Variants in CHD9 observed in about 807,000 individuals in gnomAD.
CHD9 encodes the protein chromodomain helicase DNA binding protein 9.
CHD9 carries 77 observed loss-of-function variants against 316.1 expected under a neutral mutation model. The ratio of observed to expected loss-of-function variants is 0.24; its 90% confidence interval spans 0.20 to 0.29. CHD9 has a LOEUF of 0.29. Among genes scored for constraint, CHD9 ranks in the 10% least tolerant of loss-of-function variants. CHD9 has a pLI of 1.00. For synonymous variants in CHD9, 1,129 were observed against 1,158.3 expected (o/e 0.97, Z 0.51); for missense variants, 2,763 against 3,438.1 (o/e 0.80, Z 4.91).
intron 1 of CHD9, among the ~76,000 whole-genome samples, chr16:53,063,831 T>C (rs2033218680): frequency 1.2e-5 from 1 of 84,626 alleles, no homozygotes; most frequent in African/African-American, 4.7e-5. Context: ...ATGCCTGGCC[T>C]TTTTTTTTTT....
chr16:53,230,065 T>C (rs2048032647), intron 8 of CHD9, among the ~76,000 whole-genome samples: 1 of 152,196 alleles, frequency 6.6e-6, no homozygotes, highest in Non-Finnish European at 1.5e-5. Flanking sequence ...TTTTCATTTC[T>C]TGGACATTTT....
intron 1 of CHD9, among the ~76,000 whole-genome samples, chr16:53,081,854 A>C (rs963555325): frequency 6.6e-6 from 1 of 152,034 alleles, no homozygotes; most frequent in Non-Finnish European, 1.5e-5. Flanking sequence ...TGAATGAATG[A>C]ATGAATGAAT....
At chr16:53,168,048 CTTTA>C (rs557517155) in intron 2 of CHD9, among the ~76,000 whole-genome samples, 65 of 151,420 alleles carry the variant, frequency 4.3e-4, no homozygotes, top group African/African-American at 1.3e-3. Flanking sequence ...ATAACATTTG[CTTTA>C]TTTATTTATT....
intron 10 of CHD9, among the ~76,000 whole-genome samples, chr16:53,232,460 G>T (rs2152927937): frequency 6.6e-6 from 1 of 152,276 alleles, no homozygotes; most frequent in African/African-American, 2.4e-5. Flanking sequence ...TCAGCCAATA[G>T]AATTAATCCC....
chr16:53,298,320 C>CA (rs767208426), intron 30 of CHD9: 297 of 81,620 alleles, frequency 3.6e-3, no homozygotes, highest in African/African-American at 6.3e-3. Flanking sequence ...GGCAGCACTA[C>CA]AAAAAAAAAA....
At chr16:53,267,267 T>G in intron 20 of CHD9, 27 bp from the exon 21 acceptor site, 1 of 1,482,084 alleles carries the variant, frequency 6.7e-7, no homozygotes, top group Non-Finnish European at 9.1e-7. Flanking sequence ...AAAAGTACCT[T>G]CAGGTAATAG....
chr16:53,060,515 T>TG (rs1193162975), intron 1 of CHD9, among the ~76,000 whole-genome samples: 1 of 152,038 alleles, frequency 6.6e-6, no homozygotes, highest in East Asian at 1.9e-4. Context: ...TCCAGAACTT[T>TG]GGGGGGCTGA....
intron 1 of CHD9, among the ~76,000 whole-genome samples, chr16:53,136,397 T>C (rs146943649): frequency 6.6e-6 from 1 of 152,284 alleles, no homozygotes; most frequent in East Asian, 1.9e-4. Flanking sequence ...TCAGTAACTA[T>C]GGTTCTGAAA....
chr16:53,302,667 A>AT (rs2055552663), intron 30 of CHD9, among the ~76,000 whole-genome samples: 1 of 152,124 alleles, frequency 6.6e-6, no homozygotes, highest in Non-Finnish European at 1.5e-5. Context: ...GTAAGAAAGG[A>AT]TGTTTCATTC....
At chr16:53,100,369 G>A (rs944198115) in intron 1 of CHD9, among the ~76,000 whole-genome samples, 1 of 151,604 alleles carries the variant, frequency 6.6e-6, no homozygotes, top group South Asian at 2.1e-4. Context: ...TGATCCTTGG[G>A]TATCACACCT....
At chr16:53,281,810 C>T (rs886558268) in intron 24 of CHD9, among the ~76,000 whole-genome samples, 3 of 152,140 alleles carry the variant, frequency 2.0e-5, no homozygotes, top group Admixed American at 6.6e-5. Context: ...TCAGATTACT[C>T]GGATCTCAAC....
intron 24 of CHD9, among the ~76,000 whole-genome samples, chr16:53,282,393 C>G (rs1356811608): frequency 6.6e-6 from 1 of 152,084 alleles, no homozygotes; most frequent in African/African-American, 2.4e-5. Flanking sequence ...ATCAGTTGAG[C>G]CCGGGAGTTT....
rs949295404 is a variant in CHD9, at chr16:53,326,578, A to C, written c.*1683A>C. The C allele has an allele frequency of 1.3e-5, 2 of 152,476 alleles. No homozygotes were observed. Among genetic ancestry groups the C allele is most frequent in the Non-Finnish European group, 2.9e-5 (2 of 67,910 alleles). The allele number at this position is 152,476 out of a possible 1,614,324, so 9.4% of individuals were successfully genotyped here. On this transcript the variant is annotated 3_prime_UTR_variant, in exon 39 of 39. Transcript: ENST00000447540. ...GATTGTATTGATTTTGTATTTTCCC[A>C]AAATAGTACTTTGAATTGATAGTCC...
At position 53,113,593 on chromosome 16, in the gene CHD9, G is replaced by C. The variant is rs149213902; in HGVS notation, c.-164-42333G>C. Among the ~76,000 whole-genome samples, 532 of 152,212 alleles carry C rather than the reference G, an allele frequency of 3.5e-3. 5 individuals carry two copies. The highest frequency in any genetic ancestry group is 0.012 in the African/African-American group (513 of 41,524). ...CGCAAAGTGCTGGGATTACAGGTGT[G>C]AGCCACTGCGCCCAGTCGAGTCTTG... is the stretch of plus-strand genomic sequence containing the variant. On this transcript the variant is annotated intron_variant, in intron 1 of 38. Transcript: ENST00000447540.
In CHD9 at chr16:53,245,191, T is replaced by C. The variant is rs562948070; in HGVS notation, c.3055-145T>C. 12 of 521,202 alleles carry C rather than the reference T, an allele frequency of 2.3e-5. No homozygotes were observed. The African/African-American group carries it at 2.4e-4, about 11-fold the overall frequency. The allele number at this position is 521,202 out of a possible 1,614,324, so 32.3% of individuals were successfully genotyped here. ...CTCTAAACAAACAAACAAATATATA[T>C]ATATACACACACACACACATAACAT... On this transcript the variant is annotated intron_variant, in intron 13 of 38. Coordinates refer to ENST00000447540, the MANE Select transcript of CHD9 (RefSeq NM_001308319.2). The surrounding 1 kb of genome is among the most constrained non-coding windows in gnomAD (Gnocchi z 4.1).
intron 24 of CHD9, among the ~76,000 whole-genome samples, chr16:53,282,565 C>G (rs2053505767): frequency 6.6e-6 from 1 of 152,138 alleles, no homozygotes; most frequent in Non-Finnish European, 1.5e-5. Context: ...TGTGATTGCA[C>G]CACTGCACAC....
At chr16:53,115,954 G>A (rs942744416) in intron 1 of CHD9, among the ~76,000 whole-genome samples, 1 of 152,214 alleles carries the variant, frequency 6.6e-6, no homozygotes, top group African/African-American at 2.4e-5. Flanking sequence ...AGGTGAAAAG[G>A]TTCCGAGACA....
At chr16:53,254,959 G>A (rs2050454651) in intron 18 of CHD9, among the ~76,000 whole-genome samples, 1 of 152,052 alleles carries the variant, frequency 6.6e-6, no homozygotes, top group South Asian at 2.1e-4. Flanking sequence ...TGTTATAAAT[G>A]ATGACATTTT....
rs1425245740 is a variant in CHD9 at position 53,157,360 on chromosome 16, G to A, written c.1271G>A (p.Gly424Glu). ...LLPHFDESTFGQDNSSHILDH... is the reference protein window; with the variant it reads ...LLPHFDESTFEQDNSSHILDH... Reference sequence around the variant, plus strand: ...CCTCACTTTGATGAGTCAACATTCGGACAAGATAATTCAAGTCACATTTTA... The same window carrying A: ...CCTCACTTTGATGAGTCAACATTCGAACAAGATAATTCAAGTCACATTTTA... Residue 424 changes from glycine to glutamate, a missense_variant, in exon 2 of 39, where the codon GGA becomes GAA. Around this residue, in one of 15 missense-constraint regions of CHD9, gnomAD observed 859 missense variants for 890.4 expected, o/e 0.96. Transcript: ENST00000447540. The A allele has an allele frequency of 6.2e-7, 1 of 1,613,992 alleles. No homozygotes were observed. Among genetic ancestry groups the A allele is most frequent in the South Asian group, 1.1e-5 (1 of 91,082 alleles).
Sources: gnomAD v4.1 joint callset for allele counts (sites outside exome capture counted in the v4.1 genomes callset) on GRCh38, gnomAD v4.1.1 for gene constraint, gnomAD v4.1.1 regional missense constraint, Gnocchi (gnomAD v3.1) non-coding constraint, MANE v1.5 for transcripts, NCBI Gene and HGNC (gene_info 2026-07-23, HGNC 2026-07-21) for gene names.